Variants in ARHGEF10 observed in about 807,000 individuals in gnomAD.
The protein encoded by ARHGEF10 is Rho guanine nucleotide exchange factor 10.
A neutral mutation model predicts 147.4 loss-of-function variants in ARHGEF10; 140 were observed. That is an observed-to-expected ratio of 0.95 (90% CI 0.83 to 1.09). The LOEUF (loss-of-function observed/expected upper bound fraction) is 1.09. ARHGEF10 is among the 50% of genes least tolerant of loss of function. The pLI, the probability that ARHGEF10 is intolerant of heterozygous loss-of-function variation, is 0.00. For missense variants in ARHGEF10, 2,222 were observed against 1,752.7 expected (o/e 1.27, Z -4.78); for synonymous variants, 902 against 695.8 (o/e 1.30, Z -4.67).
chr8:1,847,653 A>G (rs1362007200), intron 2 of ARHGEF10, among the ~76,000 whole-genome samples: 1 of 152,184 alleles, frequency 6.6e-6, no homozygotes, highest in Non-Finnish European at 1.5e-5. Flanking sequence ...CTTCAGCACA[A>G]GCAGCTACAA....
chr8:1,887,511 G>A (rs1808778314), intron 11 of ARHGEF10, among the ~76,000 whole-genome samples: 1 of 150,348 alleles, frequency 6.7e-6, no homozygotes, highest in African/African-American at 2.5e-5. Flanking sequence ...TCTGTGAGGA[G>A]ACCCTGAGTG....
chr8:1,909,530 C>A (rs1054725094), intron 18 of ARHGEF10, 60 bp downstream of exon 18: 23 of 1,603,798 alleles, frequency 1.4e-5, no homozygotes, highest in Non-Finnish European at 2.6e-6. Flanking sequence ...CACGTTCATG[C>A]TAGCTGTGGG....
chr8:1,926,445 G>A lies in ARHGEF10; in HGVS notation c.2679G>A (p.Thr893=), dbSNP rs1472709168. 2 of 1,614,044 alleles carry A rather than the reference G, an allele frequency of 1.2e-6. No individual in the cohort carries two copies. The highest frequency in any genetic ancestry group is 2.2e-5 in the East Asian group (1 of 44,872). The change falls in exon 23 of 29, where the codon ACG becomes ACA. Residue 893 remains threonine, a synonymous_variant. Coordinates refer to ENST00000349830, the MANE Select transcript of ARHGEF10 (RefSeq NM_014629.4). ...AAAGCCAGCCAGATTCATTTTCCAC[G>A]GCACATGGTTTCCTGTGGGTAAGAT... ...NNESQPDSFS[T]AHGFLWIGSC...
At chr8:1,903,139 C>G in intron 15 of ARHGEF10, 142 bp from the exon 16 acceptor site, 3 of 1,094,660 alleles carry the variant, frequency 2.7e-6, no homozygotes, top group Non-Finnish European at 4.2e-6. Context: ...CTCATCATCC[C>G]TTCCCAAGAA....
In ARHGEF10 at chr8:1,903,276, T is replaced by C. The variant is rs773137485; in HGVS notation, c.1651-5T>C. 2 of 1,613,954 alleles carry C rather than the reference T, an allele frequency of 1.2e-6. No individual in the cohort carries two copies. Among genetic ancestry groups the C allele is most frequent in the Admixed American group, 3.3e-5 (2 of 60,002 alleles). On this transcript the variant is annotated splice_region_variant and splice_polypyrimidine_tract_variant and intron_variant, in intron 15 of 28. Coordinates refer to ENST00000349830, the MANE Select transcript of ARHGEF10 (RefSeq NM_014629.4). Reference sequence around the variant, plus strand: ...AACTGCCCACCTCTCCCCTGTTGCTTGTAGGACATGCTGAAGAACACCTCC... The same window carrying C: ...AACTGCCCACCTCTCCCCTGTTGCTCGTAGGACATGCTGAAGAACACCTCC...
chr8:1,852,283 A>G (rs55704529), intron 2 of ARHGEF10, among the ~76,000 whole-genome samples: 1 of 96,274 alleles, frequency 1.0e-5, no homozygotes, highest in African/African-American at 4.2e-5. Flanking sequence ...CCTCTCCATC[A>G]TCCTGGAGAG....
chr8:1,885,665 A>G lies in ARHGEF10; in HGVS notation c.1140A>G (p.Glu380=), dbSNP rs147931758. 6.8e-4 allele frequency: 1,099 copies of G among 1,614,064 alleles called. 8 individuals are homozygous for G. The African/African-American group carries it at 0.012, about 17-fold the overall frequency. Residue 380 remains glutamate (E), a synonymous_variant, in exon 11 of 29, where the codon GAA becomes GAG. Transcript: ENST00000349830. ...TTGATGTTGACTGCAAGCACCCGGAAGCCATCTTGACCCCGATGCCCGAGG... is the reference window on the plus strand; with the variant it reads ...TTGATGTTGACTGCAAGCACCCGGAGGCCATCTTGACCCCGATGCCCGAGG... ...LFIDVDCKHP[E]AILTPMPEGL...
chr8:1,861,015 G>T (rs1244050385), intron 4 of ARHGEF10, among the ~76,000 whole-genome samples: 1 of 152,186 alleles, frequency 6.6e-6, no homozygotes. Context: ...CAGCACAAAG[G>T]GCTCAGAGTC....
intron 18 of ARHGEF10, among the ~76,000 whole-genome samples, chr8:1,911,514 G>C (rs1340732101): frequency 1.1e-4 from 17 of 152,192 alleles, no homozygotes; most frequent in Admixed American, 1.1e-3. Flanking sequence ...ACTCAAGTCA[G>C]AATTCTCTGG....
At chr8:1,881,205 A>G (rs2129123007) in intron 9 of ARHGEF10, among the ~76,000 whole-genome samples, 1 of 152,130 alleles carries the variant, frequency 6.6e-6, no homozygotes, top group South Asian at 2.1e-4. Context: ...CCCTGGTGAG[A>G]ACACCCCTGT....
intron 17 of ARHGEF10, among the ~76,000 whole-genome samples, chr8:1,907,639 G>T (rs971586998): frequency 6.6e-6 from 1 of 152,186 alleles, no homozygotes; most frequent in East Asian, 1.9e-4. Context: ...GTACTTTAAA[G>T]ATGAATTAAA....
At chr8:1,852,811 G>T (rs1805247928) in intron 2 of ARHGEF10, among the ~76,000 whole-genome samples, 1 of 152,244 alleles carries the variant, frequency 6.6e-6, no homozygotes, top group Non-Finnish European at 1.5e-5. Context: ...CACCAAGGCA[G>T]CCCCAATGGC....
chr8:1,909,694 G>A (rs1220236490), intron 18 of ARHGEF10, among the ~76,000 whole-genome samples: 2 of 152,228 alleles, frequency 1.3e-5, no homozygotes, highest in Non-Finnish European at 2.9e-5. Context: ...GGCTCCTTCG[G>A]GTTCGGGCCG....
chr8:1,826,162 C>CTAT, intron 1 of ARHGEF10: 1 of 1,578,680 alleles, frequency 6.3e-7, no homozygotes, highest in Non-Finnish European at 8.6e-7. Context: ...GTATAAGGTG[C>CTAT]TATTTGTAAT....
chr8:1,841,963 C>CTGGGT (rs1563161844), intron 1 of ARHGEF10, among the ~76,000 whole-genome samples: 1 of 80,164 alleles, frequency 1.2e-5, no homozygotes, highest in African/African-American at 6.7e-5. Context: ...GGGGCCGCGA[C>CTGGGT]CGGAACTGGG....
chr8:1,882,218 G>T (rs1350275603), intron 9 of ARHGEF10, among the ~76,000 whole-genome samples: 3 of 152,236 alleles, frequency 2.0e-5, no homozygotes, highest in Admixed American at 1.3e-4. Flanking sequence ...AGCTGGCCAT[G>T]CCCCCACATG....
chr8:1,839,929 A>AAT (rs1803877474), intron 1 of ARHGEF10, among the ~76,000 whole-genome samples: 1 of 90,286 alleles, frequency 1.1e-5, no homozygotes, highest in Non-Finnish European at 2.2e-5. Context: ...CGGTGTGGGG[A>AAT]CTGTCTGGTG....
chr8:1,838,646 G>A (rs1406313249), intron 1 of ARHGEF10, among the ~76,000 whole-genome samples: 2 of 152,276 alleles, frequency 1.3e-5, no homozygotes, highest in African/African-American at 2.4e-5. Flanking sequence ...TTTTGTCAGG[G>A]TCTCAGAGCC....
chr8:1,838,486 A>G (rs1803725803), intron 1 of ARHGEF10, among the ~76,000 whole-genome samples: 1 of 152,254 alleles, frequency 6.6e-6, no homozygotes, highest in South Asian at 2.1e-4. Context: ...CACTCAGGGC[A>G]GCAGTCAGCG....
Sources: gnomAD v4.1 joint callset for allele counts (sites outside exome capture counted in the v4.1 genomes callset) on GRCh38, gnomAD v4.1.1 for gene constraint, MANE v1.5 for transcripts, NCBI Gene and HGNC (gene_info 2026-07-23, HGNC 2026-07-21) for gene names.